ADAMTS16: variants seen among roughly 807,000 people sequenced by gnomAD.
ADAMTS16 encodes the protein A disintegrin and metalloproteinase with thrombospondin motifs 16.
A neutral mutation model predicts 145.8 loss-of-function variants in ADAMTS16; 94 were observed. That is an observed-to-expected ratio of 0.64 (90% CI 0.55 to 0.77). ADAMTS16 has a LOEUF of 0.77. Ranked by LOEUF, ADAMTS16 falls within the 30% of genes least tolerant of loss-of-function variation. The pLI, the probability that ADAMTS16 is intolerant of heterozygous loss-of-function variation, is 0.00. For synonymous variants in ADAMTS16, 659 were observed against 604.3 expected (o/e 1.09, Z -1.33); for missense variants, 1,585 against 1,591.5 (o/e 1.00, Z 0.07).
intron 8 of ADAMTS16, among the ~76,000 whole-genome samples, chr5:5,194,997 C>T (rs903002205): frequency 6.6e-6 from 1 of 152,146 alleles, no homozygotes. Context: ...ACCTTTAACT[C>T]AAATAAAGAT....
At position 5,310,650 on chromosome 5, in the gene ADAMTS16, C is replaced by T. The variant is rs929007805; in HGVS notation, c.3411+3922C>T. Among the ~76,000 whole-genome samples the T allele has an allele frequency of 7.2e-5, 11 of 152,072 alleles. No individual in the cohort carries two copies. Among genetic ancestry groups the T allele is most frequent in the African/African-American group, 2.7e-4 (11 of 41,414 alleles). On this transcript the variant is annotated intron_variant, in intron 21 of 22. Transcript: ENST00000274181. The surrounding 1 kb of genome is among the most constrained non-coding windows in gnomAD (Gnocchi z 4.3). Reference sequence around the variant, plus strand: ...GTGGTGCCCATATGACAAAGAACACCGAGGACTGCCAGCACCACCAGATTC... The same window carrying T: ...GTGGTGCCCATATGACAAAGAACACTGAGGACTGCCAGCACCACCAGATTC...
At chr5:5,165,930 G>A (rs1734864895) in intron 3 of ADAMTS16, among the ~76,000 whole-genome samples, 1 of 152,148 alleles carries the variant, frequency 6.6e-6, no homozygotes, top group Non-Finnish European at 1.5e-5. Context: ...CCCTTACTCA[G>A]GCAATAGCTA....
At chr5:5,189,883 G>A in intron 6 of ADAMTS16, 88 bp from the exon 7 acceptor site, 1 of 1,509,584 alleles carries the variant, frequency 6.6e-7, no homozygotes, top group East Asian at 2.3e-5. Flanking sequence ...TGAAATCCAG[G>A]TCAATAATAG....
At position 5,174,069 on chromosome 5, in the gene ADAMTS16, T is replaced by G. The variant is rs567424373; in HGVS notation, c.502-7975T>G. 2.0e-5 allele frequency among the ~76,000 whole-genome samples: 3 copies of G among 152,362 alleles called. No homozygotes were observed. In the South Asian group the frequency reaches 6.2e-4, roughly 32 times the overall value. On this transcript the variant is annotated intron_variant, in intron 3 of 22. Coordinates refer to ENST00000274181, the MANE Select transcript of ADAMTS16 (RefSeq NM_139056.4). ...TTCTACCTTCACATGATTTTTCTAT[T>G]GCTCACTAATGTTCTTGTCTTTCAG...
intron 10 of ADAMTS16, among the ~76,000 whole-genome samples, chr5:5,221,592 G>A (rs573282840): frequency 2.2e-4 from 34 of 152,262 alleles, no homozygotes; most frequent in Middle Eastern, 3.4e-3. Flanking sequence ...AACACTGAAC[G>A]TTTACTTGTT....
At position 5,187,673 on chromosome 5, in the gene ADAMTS16, AG is replaced by A. The variant is rs896700260; in HGVS notation, c.964-46del. The A allele has an allele frequency of 9.4e-5, 117 of 1,247,776 alleles. No homozygotes were observed. The African/African-American group carries it at 1.5e-3, about 16-fold the overall frequency. 77.3% of individuals were successfully genotyped at this position (1,247,776 alleles called of 1,614,324 possible). A position where few individuals can be genotyped will look rare whatever the true frequency, so the allele number is the denominator to read the frequency against. On this transcript the variant is annotated intron_variant, in intron 5 of 22. Coordinates refer to ENST00000274181, the MANE Select transcript of ADAMTS16 (RefSeq NM_139056.4). ...TTGGATTCTAGGCCCGCTAGTAAGT[AG>A]GGGGGAAAATGCCATTTATGGGGCT...
At chr5:5,179,395 G>C (rs1373885907) in intron 3 of ADAMTS16, among the ~76,000 whole-genome samples, 2 of 152,038 alleles carry the variant, frequency 1.3e-5, no homozygotes, top group Non-Finnish European at 2.9e-5. Context: ...GTTGTTATTG[G>C]TTTAAGCCAT....
At chr5:5,232,690 G>A (rs1736970296) in intron 12 of ADAMTS16, among the ~76,000 whole-genome samples, 174 bp downstream of exon 12, 1 of 140,966 alleles carries the variant, frequency 7.1e-6, no homozygotes, top group African/African-American at 2.7e-5. Flanking sequence ...TGCAACCTCC[G>A]CCTCCCGGAT....
chr5:5,214,175 T>C (rs1269417503), intron 10 of ADAMTS16, among the ~76,000 whole-genome samples: 2 of 152,204 alleles, frequency 1.3e-5, no homozygotes, highest in Non-Finnish European at 2.9e-5. Flanking sequence ...CCTGAAACAA[T>C]TGGTCCATAT....
intron 14 of ADAMTS16, 72 bp downstream of exon 14, chr5:5,237,171 G>T (rs1737133834): frequency 4.6e-6 from 7 of 1,520,408 alleles, no homozygotes. Flanking sequence ...TCCTGTAGAG[G>T]CTAGAAAGAC....
chr5:5,246,056 G>T (rs1202065694), intron 17 of ADAMTS16, among the ~76,000 whole-genome samples: 3 of 152,226 alleles, frequency 2.0e-5, no homozygotes, highest in East Asian at 3.9e-4. Flanking sequence ...AGACTTTTTG[G>T]TGTGGTAATG....
At position 5,200,478 on chromosome 5, in the gene ADAMTS16, A is replaced by G. The variant is rs377401400; in HGVS notation, c.1451+209A>G. On this transcript the variant is annotated intron_variant, in intron 9 of 22. Transcript: ENST00000274181. Reference sequence around the variant, plus strand: ...TTGGCTTAATCTGACATTGATTCAAAGGGAATCAATGACTTGAGACTAAAA... The same window carrying G: ...TTGGCTTAATCTGACATTGATTCAAGGGGAATCAATGACTTGAGACTAAAA... 9.2e-4 allele frequency among the ~76,000 whole-genome samples: 140 copies of G among 152,342 alleles called. 1 individual carries two copies. The highest frequency in any genetic ancestry group is 3.2e-3 in the African/African-American group (135 of 41,568).
chr5:5,302,128 A>G (rs12521040), intron 18 of ADAMTS16, among the ~76,000 whole-genome samples: 103,188 of 151,986 alleles, frequency 0.68, 35,970 homozygotes, highest in South Asian at 0.81. Flanking sequence ...GGTGCACACC[A>G]AGCCCTCCTG....
chr5:5,234,904 C>A, intron 12 of ADAMTS16, 110 bp from the exon 13 acceptor site: 7 of 732,510 alleles, frequency 9.6e-6, no homozygotes, highest in Non-Finnish European at 1.3e-5. Context: ...CACTTTTTTC[C>A]TAATTACCCA....
intron 21 of ADAMTS16, among the ~76,000 whole-genome samples, chr5:5,314,413 T>C (rs1483794092): frequency 6.6e-6 from 1 of 152,224 alleles, no homozygotes; most frequent in African/African-American, 2.4e-5. Context: ...AGGATCCGTC[T>C]GTTTGGAAGT....
intron 3 of ADAMTS16, among the ~76,000 whole-genome samples, chr5:5,157,903 G>C (rs1436149873): frequency 1.3e-5 from 2 of 152,188 alleles, no homozygotes; most frequent in Non-Finnish European, 1.5e-5. Context: ...AAGTGGGCAA[G>C]GGGCCTGCAC....
At chr5:5,186,506 G>T (rs1230093965) in intron 5 of ADAMTS16, among the ~76,000 whole-genome samples, 1 of 152,150 alleles carries the variant, frequency 6.6e-6, no homozygotes, top group African/African-American at 2.4e-5. Context: ...CTGTAAGCCT[G>T]TGAGATGTTT....
intron 9 of ADAMTS16, among the ~76,000 whole-genome samples, chr5:5,204,022 G>T (rs913790424): frequency 6.6e-6 from 1 of 152,170 alleles, no homozygotes; most frequent in East Asian, 1.9e-4. Context: ...ATCATGGCCA[G>T]TTGTTGTCTC....
chr5:5,193,624 G>A (rs1310856654), intron 8 of ADAMTS16, among the ~76,000 whole-genome samples: 3 of 152,170 alleles, frequency 2.0e-5, no homozygotes, highest in African/African-American at 7.2e-5. Flanking sequence ...TAAACTAGAG[G>A]CATCCGACAC....
Sources: allele counts gnomAD v4.1 joint callset (sites outside exome capture counted in the v4.1 genomes callset), GRCh38; gene constraint gnomAD v4.1.1; non-coding constraint Gnocchi (gnomAD v3.1); transcripts MANE v1.5; gene names NCBI Gene and HGNC (gene_info 2026-07-23, HGNC 2026-07-21).